The following GPD1L variants were observed in gnomAD, a reference collection of about 807,000 sequenced individuals.
GPD1L encodes the protein glycerol-3-phosphate dehydrogenase 1 like.
Under a neutral mutation model 32.9 loss-of-function variants are expected in GPD1L, and 17 were observed. The observed-to-expected ratio is 0.52, with a 90% CI of 0.35 to 0.78. GPD1L has a LOEUF of 0.78. Ranked by LOEUF, GPD1L falls within the 30% of genes least tolerant of loss-of-function variation. GPD1L has a pLI of 0.01. For missense variants in GPD1L, 361 were observed against 447.8 expected (o/e 0.81, Z 1.75); for synonymous variants, 187 against 165.9 (o/e 1.13, Z -0.98).
chr3:32,111,811 C>G (rs1457285127), intron 1 of GPD1L, among the ~76,000 whole-genome samples: 1 of 150,578 alleles, frequency 6.6e-6, no homozygotes, highest in Non-Finnish European at 1.5e-5. Flanking sequence ...ACCTGTGACT[C>G]TGTCTTTTTT....
At chr3:32,163,202 T>C (rs1284493277) in intron 7 of GPD1L, among the ~76,000 whole-genome samples, 1 of 131,416 alleles carries the variant, frequency 7.6e-6, no homozygotes, top group African/African-American at 2.9e-5. Context: ...AGAGTCTTGC[T>C]CTGTCGCCCA....
At position 32,115,758 on chromosome 3, in the gene GPD1L, C is replaced by CTT. The variant is rs539068850; in HGVS notation, c.47+9047_47+9048dup. Among the ~76,000 whole-genome samples, 4 of 44,992 alleles carry CTT rather than the reference C, an allele frequency of 8.9e-5. 1 individual carries two copies. The highest frequency in any genetic ancestry group is 1.9e-4 in the Non-Finnish European group (4 of 20,532). 29.5% of individuals were successfully genotyped at this position (44,992 alleles called of 152,430 possible). A position where few individuals can be genotyped will look rare whatever the true frequency, so the allele number is the denominator to read the frequency against. ...CTAAACCCTTTTCGTGTACGTTGAA[C>CTT]TTTTTTTTTTTTTTTTTTTTTTTTT... On this transcript the variant is annotated intron_variant, in intron 1 of 7. Transcript: ENST00000282541.
rs1421229487 is a variant in GPD1L at position 32,159,056 on chromosome 3, T to C, written c.799T>C (p.Cys267Arg). The C allele has an allele frequency of 6.2e-7, 1 of 1,613,864 alleles. No homozygotes were observed. Among genetic ancestry groups the C allele is most frequent in the East Asian group, 2.2e-5 (1 of 44,880 alleles). Residue 267 changes from cysteine to arginine, a missense_variant, in exon 6 of 8, where the codon TGT becomes CGT. Transcript: ENST00000282541. Reference sequence around the variant, plus strand: ...CGGGGTGGCCGACCTGATCACCACCTGTTACGGAGGGCGGAACCGCAGGGT... The same window carrying C: ...CGGGGTGGCCGACCTGATCACCACCCGTTACGGAGGGCGGAACCGCAGGGT... ...SCGVADLITT[C>R]YGGRNRRVAE...
At chr3:32,150,229 T>G (rs1344401597) in intron 5 of GPD1L, among the ~76,000 whole-genome samples, 1 of 152,202 alleles carries the variant, frequency 6.6e-6, no homozygotes, top group Admixed American at 6.5e-5. Context: ...GTGTCTGGCT[T>G]CTTTGATTGG....
chr3:32,132,606 G>A (rs1199031308), intron 2 of GPD1L, among the ~76,000 whole-genome samples: 1 of 152,138 alleles, frequency 6.6e-6, no homozygotes, highest in East Asian at 1.9e-4. Context: ...TTTCCCTGGT[G>A]ATCTTCAAAT....
intron 1 of GPD1L, among the ~76,000 whole-genome samples, chr3:32,124,510 TTGGGACA>T (rs2125476499): frequency 6.6e-6 from 1 of 152,346 alleles, no homozygotes; most frequent in East Asian, 1.9e-4. Flanking sequence ...GAGGTAACAC[TTGGGACA>T]AATGCATCTA....
rs72558073 is a variant in GPD1L at position 32,146,689 on chromosome 3, C to T, written c.573C>T (p.Thr191=). The change falls in exon 5 of 8, where the codon ACC becomes ACT. Residue 191 remains threonine, a synonymous_variant. Transcript: ENST00000282541. ...ELLQTPNFRI[T]VVDDADTVEL... ...TGCAGACTCCAAATTTTCGAATTACCGTGGTTGATGATGCAGACACTGTTG... is the reference window on the plus strand; with the variant it reads ...TGCAGACTCCAAATTTTCGAATTACTGTGGTTGATGATGCAGACACTGTTG... 16 of 1,613,222 alleles carry T rather than the reference C, an allele frequency of 9.9e-6. No homozygotes were observed. Among genetic ancestry groups the T allele is most frequent in the South Asian group, 6.6e-5 (6 of 91,060 alleles).
intron 5 of GPD1L, among the ~76,000 whole-genome samples, chr3:32,148,372 CTG>C (rs1700862900): frequency 6.6e-6 from 1 of 152,134 alleles, no homozygotes; most frequent in Non-Finnish European, 1.5e-5. Flanking sequence ...GGCAGGAAGA[CTG>C]TAAGTGGATG....
chr3:32,141,836 G>T (rs1428952676), intron 4 of GPD1L, among the ~76,000 whole-genome samples: 1 of 152,034 alleles, frequency 6.6e-6, no homozygotes, highest in Non-Finnish European at 1.5e-5. Context: ...TACATGTGCA[G>T]GTTTGTTACA....
chr3:32,141,050 T>G (rs1241015430), intron 4 of GPD1L, among the ~76,000 whole-genome samples: 1 of 152,240 alleles, frequency 6.6e-6, no homozygotes, highest in Non-Finnish European at 1.5e-5. Context: ...GTAATATTAT[T>G]GTATTTTCAG....
intron 2 of GPD1L, among the ~76,000 whole-genome samples, chr3:32,134,598 C>T (rs1376979804): frequency 6.6e-6 from 1 of 152,182 alleles, no homozygotes; most frequent in African/African-American, 2.4e-5. Flanking sequence ...GTGATCCTCC[C>T]ACCTCAACTT....
intron 1 of GPD1L, among the ~76,000 whole-genome samples, chr3:32,113,427 G>A (rs1378524723): frequency 1.3e-5 from 2 of 151,908 alleles, no homozygotes; most frequent in East Asian, 3.9e-4. Context: ...GTCTCTGGCA[G>A]GCCAAGTAGC....
intron 1 of GPD1L, among the ~76,000 whole-genome samples, chr3:32,118,170 G>T (rs1348441802): frequency 6.6e-6 from 1 of 152,136 alleles, no homozygotes; most frequent in African/African-American, 2.4e-5. Flanking sequence ...TGGATTCGGG[G>T]TCTGTTAAAA....
chr3:32,111,113 G>A (rs1215606070), intron 1 of GPD1L, among the ~76,000 whole-genome samples: 1 of 152,186 alleles, frequency 6.6e-6, no homozygotes, highest in African/African-American at 2.4e-5. Context: ...TAGTCTGCCC[G>A]CCTTGGCCTC....
intron 7 of GPD1L, among the ~76,000 whole-genome samples, chr3:32,161,209 G>C (rs1404284026): frequency 6.6e-6 from 1 of 152,140 alleles, no homozygotes; most frequent in Non-Finnish European, 1.5e-5. Flanking sequence ...ATCAGCCATG[G>C]AGTTCTGTAC....
At chr3:32,107,905 G>A (rs1700186700) in intron 1 of GPD1L, among the ~76,000 whole-genome samples, 1 of 152,114 alleles carries the variant, frequency 6.6e-6, no homozygotes, top group East Asian at 1.9e-4. Context: ...CCTAGTGCCT[G>A]GCATATGCTA....
intron 1 of GPD1L, 79 bp from the exon 2 acceptor site, chr3:32,127,997 C>G: frequency 1.0e-6 from 1 of 978,444 alleles, no homozygotes; most frequent in Non-Finnish European, 1.6e-6. Flanking sequence ...AAACACAAGT[C>G]TTCTGAATTT....
intron 1 of GPD1L, among the ~76,000 whole-genome samples, chr3:32,111,368 A>G (rs1003302040): frequency 6.6e-6 from 1 of 152,182 alleles, no homozygotes; most frequent in African/African-American, 2.4e-5. Flanking sequence ...CTGACTGCCT[A>G]CGTTTCTGCC....
intron 3 of GPD1L, among the ~76,000 whole-genome samples, chr3:32,138,953 A>G (rs1343544161): frequency 6.6e-6 from 1 of 152,152 alleles, no homozygotes; most frequent in Non-Finnish European, 1.5e-5. Flanking sequence ...AGTGATGTGA[A>G]GAGCTGTGCC....
Sources: allele counts gnomAD v4.1 joint callset (sites outside exome capture counted in the v4.1 genomes callset), GRCh38; gene constraint gnomAD v4.1.1; transcripts MANE v1.5; gene names NCBI Gene and HGNC (gene_info 2026-07-23, HGNC 2026-07-21).